RIN2: variants seen among roughly 807,000 people sequenced by gnomAD.
RIN2 encodes the protein RAB5 interacting protein 2.
In RIN2, 36 loss-of-function variants were observed where a neutral mutation model predicts 78.0. That is an observed-to-expected ratio of 0.46 (90% CI 0.35 to 0.61). RIN2 has a LOEUF of 0.61. Ranked by LOEUF, RIN2 falls within the 20% of genes least tolerant of loss-of-function variation. RIN2 has a pLI of 0.00. For missense variants in RIN2, 1,087 were observed against 1,159.7 expected (o/e 0.94, Z 0.91); for synonymous variants, 466 against 466.8 (o/e 1.00, Z 0.02).
intron 2 of RIN2, among the ~76,000 whole-genome samples, chr20:19,844,507 G>A (rs149998359): frequency 6.6e-6 from 1 of 152,150 alleles, no homozygotes; most frequent in African/African-American, 2.4e-5. Context: ...AAACTAGGTA[G>A]TCAAGCAAAT....
intron 2 of RIN2, among the ~76,000 whole-genome samples, chr20:19,870,132 A>G (rs1214880142): frequency 6.6e-6 from 1 of 152,176 alleles, no homozygotes; most frequent in African/African-American, 2.4e-5. Context: ...GCACCAGTAT[A>G]TACTTCTGAA....
At chr20:19,910,412 G>T (rs1195954740) in intron 3 of RIN2, among the ~76,000 whole-genome samples, 1 of 151,348 alleles carries the variant, frequency 6.6e-6, no homozygotes. Flanking sequence ...ACCTCAAGTC[G>T]TCTGTTCACC....
In RIN2 at chr20:19,975,045, T is replaced by G. The variant is rs760232061; in HGVS notation, c.1020T>G (p.His340Gln). Residue 340 changes from histidine (H) to glutamine (Q), a missense_variant, in exon 9 of 13, where the codon CAT becomes CAG. His to Gln is a conservative substitution (Grantham distance 24). Transcript: ENST00000255006. The surrounding 1 kb of genome is among the most constrained non-coding windows in gnomAD (Gnocchi z 4.9). ...TQTSMPETVN[H>Q]NKHGNVALPG... ...CGAGCATGCCAGAAACAGTCAACCA[T>G]AACAAACATGGGAACGTAGCTCTGC... is the stretch of plus-strand genomic sequence containing the variant. 1.9e-6 allele frequency: 3 copies of G among 1,582,934 alleles called. No homozygotes were observed. Among genetic ancestry groups the G allele is most frequent in the East Asian group, 2.4e-5 (1 of 42,182 alleles).
At chr20:19,952,707 A>G (rs2041368904) in intron 4 of RIN2, among the ~76,000 whole-genome samples, 1 of 152,308 alleles carries the variant, frequency 6.6e-6, no homozygotes, top group African/African-American at 2.4e-5. Context: ...TTCAGCACAC[A>G]TGAGCATCAC....
At chr20:19,903,935 G>A (rs1322442217) in intron 3 of RIN2, among the ~76,000 whole-genome samples, 4 of 152,234 alleles carry the variant, frequency 2.6e-5, no homozygotes, top group South Asian at 4.1e-4. Context: ...GTACCTGGCC[G>A]GTAATTGCAG....
At chr20:19,868,749 C>G (rs757834668) in intron 2 of RIN2, among the ~76,000 whole-genome samples, 4 of 152,102 alleles carry the variant, frequency 2.6e-5, no homozygotes, top group Non-Finnish European at 5.9e-5. Flanking sequence ...GGGAAGCTAG[C>G]ACAGAGATGA....
intron 7 of RIN2, among the ~76,000 whole-genome samples, chr20:19,969,822 T>TATTC (rs1393774100): frequency 7.9e-5 from 12 of 152,238 alleles, no homozygotes; most frequent in African/African-American, 2.2e-4. Context: ...ATTTATTGAA[T>TATTC]ATTCATTCAT....
At chr20:19,885,004 C>T (rs1341725723) in intron 2 of RIN2, among the ~76,000 whole-genome samples, 8 of 152,152 alleles carry the variant, frequency 5.3e-5, no homozygotes, top group African/African-American at 1.7e-4. Context: ...GACTGAAGTC[C>T]GTGCTGCCCG....
chr20:19,868,975 G>A (rs769549077), intron 2 of RIN2, among the ~76,000 whole-genome samples: 4 of 151,568 alleles, frequency 2.6e-5, no homozygotes, highest in African/African-American at 7.3e-5. Flanking sequence ...CCAGCTACTC[G>A]GGAGGCAGAG....
intron 2 of RIN2, among the ~76,000 whole-genome samples, chr20:19,854,659 A>G (rs895737703): frequency 4.7e-4 from 71 of 152,232 alleles, no homozygotes; most frequent in Middle Eastern, 3.4e-3. Flanking sequence ...ATGGTAGTTC[A>G]CTCATGATTT....
chr20:19,974,838 T>C lies in RIN2; in HGVS notation c.813T>C (p.Phe271=). 2 of 1,613,954 alleles carry C rather than the reference T, an allele frequency of 1.2e-6. No individual in the cohort carries two copies. The highest frequency in any genetic ancestry group is 1.7e-6 in the Non-Finnish European group (2 of 1,179,894). The change falls in exon 9 of 13, where the codon TTT becomes TTC. Residue 271 remains phenylalanine (F), a synonymous_variant. Transcript: ENST00000255006. ...ECSQTNGALC[F]INPLFLKVHS... is the part of the protein sequence containing the mutation. Reference sequence around the variant, plus strand: ...GCCAGACCAACGGGGCCCTGTGCTTTATTAATCCCCTTTTCTTGAAAGTGC... The same window carrying C: ...GCCAGACCAACGGGGCCCTGTGCTTCATTAATCCCCTTTTCTTGAAAGTGC...
intron 1 of RIN2, among the ~76,000 whole-genome samples, chr20:19,777,140 TAG>T (rs2034339299): frequency 6.6e-6 from 1 of 152,146 alleles, no homozygotes; most frequent in South Asian, 2.1e-4. Context: ...TCCTTCATGG[TAG>T]AGTGTTGGTC....
At chr20:19,887,934 G>A (rs2038269031) in intron 2 of RIN2, among the ~76,000 whole-genome samples, 1 of 152,158 alleles carries the variant, frequency 6.6e-6, no homozygotes, top group African/African-American at 2.4e-5. Flanking sequence ...GCTCCCCAAG[G>A]TGACAGTGTG....
At chr20:19,809,793 G>C (rs7264423) in intron 2 of RIN2, 16 of 152,038 alleles carry the variant, frequency 1.1e-4, no homozygotes, top group African/African-American at 3.9e-4. Context: ...CTTGAGCAGA[G>C]ACTTCACAAG....
chr20:19,937,517 T>A (rs1289305244), intron 4 of RIN2, among the ~76,000 whole-genome samples: 1 of 152,224 alleles, frequency 6.6e-6, no homozygotes, highest in Non-Finnish European at 1.5e-5. Flanking sequence ...AATACCAGAT[T>A]AAGCACCAAG....
At chr20:19,928,026 C>T (rs1392128002) in intron 3 of RIN2, among the ~76,000 whole-genome samples, 3 of 152,168 alleles carry the variant, frequency 2.0e-5, no homozygotes, top group Admixed American at 6.5e-5. Flanking sequence ...CCTCCGCCTT[C>T]GGAGTAGCTG....
At chr20:19,759,799 G>A (rs563655851) in intron 1 of RIN2, among the ~76,000 whole-genome samples, 1 of 152,280 alleles carries the variant, frequency 6.6e-6, no homozygotes, top group African/African-American at 2.4e-5. Context: ...TGGGGGCAGA[G>A]GTTGCAGTAA....
chr20:19,905,059 G>T (rs1190178507), intron 3 of RIN2, among the ~76,000 whole-genome samples: 1 of 152,150 alleles, frequency 6.6e-6, no homozygotes, highest in Non-Finnish European at 1.5e-5. Flanking sequence ...CTTCCAGCCT[G>T]GTGGTCCTCT....
intron 8 of RIN2, among the ~76,000 whole-genome samples, chr20:19,973,302 T>C (rs1320379935): frequency 3.9e-5 from 6 of 152,122 alleles, no homozygotes; most frequent in Non-Finnish European, 8.8e-5. Context: ...GGCTTTCTTG[T>C]TGGACAGTGC....
Sources: allele counts gnomAD v4.1 joint callset (sites outside exome capture counted in the v4.1 genomes callset), GRCh38; gene constraint gnomAD v4.1.1; non-coding constraint Gnocchi (gnomAD v3.1); transcripts MANE v1.5; gene names NCBI Gene and HGNC (gene_info 2026-07-23, HGNC 2026-07-21).